Variants in AUTS2 observed in about 807,000 individuals in gnomAD.
AUTS2 encodes the protein activator of transcription and developmental regulator AUTS2.
AUTS2 carries 17 observed loss-of-function variants against 112.4 expected under a neutral mutation model. The ratio of observed to expected loss-of-function variants is 0.15; its 90% CI spans 0.10 to 0.23. AUTS2 has a LOEUF of 0.23. AUTS2 is among the 10% of genes least tolerant of loss of function. The pLI is 1.00. For missense variants in AUTS2, 1,510 were observed against 1,701.6 expected (o/e 0.89, Z 1.98); for synonymous variants, 751 against 702.7 (o/e 1.07, Z -1.09).
chr7:69,785,001 G>T (rs1789302625), intron 1 of AUTS2, among the ~76,000 whole-genome samples: 1 of 152,012 alleles, frequency 6.6e-6, no homozygotes, highest in African/African-American at 2.4e-5. Flanking sequence ...TTATAATGGT[G>T]GTGGTGATAG....
intron 5 of AUTS2, among the ~76,000 whole-genome samples, chr7:70,597,076 C>T (rs1266697116): frequency 1.3e-5 from 2 of 151,862 alleles, no homozygotes; most frequent in Non-Finnish European, 2.9e-5. Flanking sequence ...ATTAAATAAC[C>T]AGTGTGATGG....
chr7:69,608,384 T>G (rs1792846434), intron 1 of AUTS2, among the ~76,000 whole-genome samples: 1 of 152,250 alleles, frequency 6.6e-6, no homozygotes, highest in Admixed American at 6.5e-5. Flanking sequence ...AATCTCATTT[T>G]AAGTTTTTGT....
chr7:69,751,443 A>T (rs1390652291), intron 1 of AUTS2, among the ~76,000 whole-genome samples: 1 of 152,186 alleles, frequency 6.6e-6, no homozygotes, highest in Non-Finnish European at 1.5e-5. Context: ...GAGTGAGGTG[A>T]CAGGGACTTA....
chr7:69,637,589 C>T (rs1794609002), intron 1 of AUTS2, among the ~76,000 whole-genome samples: 1 of 152,214 alleles, frequency 6.6e-6, no homozygotes, highest in African/African-American at 2.4e-5. Context: ...CAGGTAGCTG[C>T]TGCTGTAAGA....
intron 5 of AUTS2, among the ~76,000 whole-genome samples, chr7:70,496,454 C>T (rs1798512397): frequency 7.5e-6 from 1 of 134,172 alleles, no homozygotes; most frequent in African/African-American, 2.9e-5. Flanking sequence ...TCACACACAC[C>T]ACGTACACAG....
At chr7:70,219,562 T>G (rs1811361819) in intron 4 of AUTS2, among the ~76,000 whole-genome samples, 1 of 152,026 alleles carries the variant, frequency 6.6e-6, no homozygotes, top group Non-Finnish European at 1.5e-5. Context: ...ACAGTAAATT[T>G]TTTTCTTTTC....
At chr7:70,153,123 G>T (rs1807536083) in intron 4 of AUTS2, among the ~76,000 whole-genome samples, 1 of 152,096 alleles carries the variant, frequency 6.6e-6, no homozygotes, top group Non-Finnish European at 1.5e-5. Context: ...TTACATGAAT[G>T]TTCATAGTAG....
intron 4 of AUTS2, among the ~76,000 whole-genome samples, chr7:70,210,721 T>G (rs1243369820): frequency 6.6e-6 from 1 of 152,196 alleles, no homozygotes; most frequent in Middle Eastern, 3.2e-3. Context: ...ATAACCATGA[T>G]AAGATCTAAT....
intron 5 of AUTS2, among the ~76,000 whole-genome samples, chr7:70,527,813 T>G (rs948933113): frequency 6.6e-6 from 1 of 152,154 alleles, no homozygotes; most frequent in Non-Finnish European, 1.5e-5. Context: ...ATGGTAACTG[T>G]ATTCTCCAAG....
chr7:69,813,329 C>A (rs1007281472), intron 1 of AUTS2, among the ~76,000 whole-genome samples: 4 of 152,106 alleles, frequency 2.6e-5, no homozygotes, highest in African/African-American at 9.7e-5. Flanking sequence ...ATTGCTGGAG[C>A]AAGCACTTAG....
At chr7:70,501,633 C>G (rs1227005934) in intron 5 of AUTS2, among the ~76,000 whole-genome samples, 3 of 152,158 alleles carry the variant, frequency 2.0e-5, no homozygotes, top group East Asian at 3.9e-4. Context: ...GGTGTTGCCT[C>G]CCGGAACCCT....
chr7:70,264,303 G>A lies in AUTS2; in HGVS notation c.660+129732G>A, dbSNP rs571748463. 6.6e-5 allele frequency among the ~76,000 whole-genome samples: 10 copies of A among 152,224 alleles called. No homozygotes were observed. In the South Asian group the frequency reaches 2.1e-3, roughly 32 times the overall value. ...GCTCACTGCAACCTTCACCTCCTGG[G>A]TTCAAGCGATCCTCCTGCCTCAGCC... On this transcript the variant is annotated intron_variant, in intron 4 of 18. Coordinates refer to ENST00000342771, the MANE Select transcript of AUTS2 (RefSeq NM_015570.4).
intron 1 of AUTS2, among the ~76,000 whole-genome samples, chr7:69,798,374 G>T (rs931173766): frequency 6.6e-6 from 1 of 152,060 alleles, no homozygotes; most frequent in Non-Finnish European, 1.5e-5. Flanking sequence ...CAGTGCGTTC[G>T]GTAAACGTTG....
intron 1 of AUTS2, among the ~76,000 whole-genome samples, chr7:69,848,417 T>C (rs1792308857): frequency 6.6e-6 from 1 of 152,200 alleles, no homozygotes; most frequent in Non-Finnish European, 1.5e-5. Flanking sequence ...TATAAAGCAT[T>C]CATCTGTTTT....
At chr7:69,987,812 A>C (rs1188608222) in intron 2 of AUTS2, among the ~76,000 whole-genome samples, 1 of 152,152 alleles carries the variant, frequency 6.6e-6, no homozygotes, top group Non-Finnish European at 1.5e-5. Context: ...TATTTTGACT[A>C]TTTGATTGGT....
At chr7:70,031,634 T>C (rs946185339) in intron 2 of AUTS2, among the ~76,000 whole-genome samples, 1 of 152,104 alleles carries the variant, frequency 6.6e-6, no homozygotes, top group African/African-American at 2.4e-5. Context: ...TTTGAGGATA[T>C]TGAGTAATTG....
rs552893729 is a variant in AUTS2 at position 70,326,917 on chromosome 7, C to CTTTT, written c.661-108820_661-108817dup. On this transcript the variant is annotated intron_variant, in intron 4 of 18. Coordinates refer to ENST00000342771, the MANE Select transcript of AUTS2 (RefSeq NM_015570.4). ...CTTGGCATGAAAGGTATGCTTGGTT[C>CTTTT]TTTTTTTTTTTTTTTTTTGTGACGG... 9.3e-4 allele frequency among the ~76,000 whole-genome samples: 112 copies of CTTTT among 120,606 alleles called. 3 individuals are homozygous for CTTTT. The highest frequency in any genetic ancestry group is 1.8e-3 in the Admixed American group (19 of 10,428). The allele number at this position is 120,606 out of a possible 152,430, so 79.1% of individuals were successfully genotyped here. A position where few individuals can be genotyped will look rare whatever the true frequency, so the allele number is the denominator to read the frequency against.
chr7:70,469,082 C>T (rs1337366352), intron 5 of AUTS2, among the ~76,000 whole-genome samples: 1 of 152,152 alleles, frequency 6.6e-6, no homozygotes, highest in Non-Finnish European at 1.5e-5. Flanking sequence ...TTCAGATGGC[C>T]AAGTCAGAAT....
intron 2 of AUTS2, among the ~76,000 whole-genome samples, chr7:70,022,555 A>G (rs1435311841): frequency 6.6e-6 from 1 of 152,118 alleles, no homozygotes; most frequent in Non-Finnish European, 1.5e-5. Flanking sequence ...TCCTGGTTTC[A>G]AGCAGTCTGC....
Sources: allele counts gnomAD v4.1 joint callset (sites outside exome capture counted in the v4.1 genomes callset), GRCh38; gene constraint gnomAD v4.1.1; transcripts MANE v1.5; gene names NCBI Gene and HGNC (gene_info 2026-07-23, HGNC 2026-07-21).